Variants in PPP3CA observed in about 807,000 individuals in gnomAD.
PPP3CA encodes the protein CAM-PRP catalytic subunit.
PPP3CA carries 14 observed loss-of-function variants against 66.5 expected under a neutral mutation model. The observed-to-expected ratio is 0.21, with a 90% CI of 0.14 to 0.33. The LOEUF is 0.33. Ranked by LOEUF, PPP3CA falls within the 10% of genes least tolerant of loss-of-function variation. PPP3CA has a pLI of 1.00. For synonymous variants in PPP3CA, 232 were observed against 226.2 expected (o/e 1.03, Z -0.23); for missense variants, 317 against 639.5 (o/e 0.50, Z 5.44).
chr4:101,255,156 A>C (rs191599037), intron 1 of PPP3CA, among the ~76,000 whole-genome samples: 1 of 151,878 alleles, frequency 6.6e-6, no homozygotes, highest in Non-Finnish European at 1.5e-5. Context: ...ACAGATTTAA[A>C]AATCACTGAA....
intron 2 of PPP3CA, among the ~76,000 whole-genome samples, chr4:101,145,174 T>A (rs1722931001): frequency 6.6e-6 from 1 of 152,144 alleles, no homozygotes; most frequent in Non-Finnish European, 1.5e-5. Context: ...AAGGAAACTT[T>A]GTCTGCTGTT....
intron 1 of PPP3CA, among the ~76,000 whole-genome samples, chr4:101,228,469 T>A (rs1322924357): frequency 1.3e-5 from 2 of 151,716 alleles, no homozygotes; most frequent in African/African-American, 4.8e-5. Flanking sequence ...ACAAATGACA[T>A]TAGAGTCTTG....
chr4:101,213,532 G>A (rs1725369470), intron 1 of PPP3CA, among the ~76,000 whole-genome samples: 1 of 151,980 alleles, frequency 6.6e-6, no homozygotes, highest in Admixed American at 6.6e-5. Context: ...TTATCATTTG[G>A]AACAAAGAGC....
intron 1 of PPP3CA, among the ~76,000 whole-genome samples, chr4:101,314,366 C>T (rs528725575): frequency 6.6e-6 from 1 of 151,710 alleles, no homozygotes; most frequent in Admixed American, 6.6e-5. Context: ...AGATCAAGAC[C>T]ATCCTGGCTA....
At chr4:101,095,493 T>C (rs747204662) in intron 5 of PPP3CA, among the ~76,000 whole-genome samples, 4 of 152,140 alleles carry the variant, frequency 2.6e-5, no homozygotes, top group Non-Finnish European at 5.9e-5. Flanking sequence ...CTTAATGATA[T>C]GTATGAAAAT....
In PPP3CA at chr4:101,211,218, C is replaced by T. The variant is rs1006784719; in HGVS notation, c.59-15102G>A. On this transcript the variant is annotated intron_variant, in intron 1 of 13. Coordinates refer to ENST00000394854, the MANE Select transcript of PPP3CA (RefSeq NM_000944.5). ...TTTGGGGCTGTGCTTTTAACCCTTG[C>T]TATCCCCTCCCTGTAGATAAGTGAC... is the stretch of plus-strand genomic sequence containing the variant. Among the ~76,000 whole-genome samples, 4 of 152,268 alleles carry T rather than the reference C, an allele frequency of 2.6e-5. No individual in the cohort carries two copies. The South Asian group carries it at 8.3e-4, about 32-fold the overall frequency.
At chr4:101,160,113 G>C (rs1723454760) in intron 2 of PPP3CA, among the ~76,000 whole-genome samples, 1 of 151,466 alleles carries the variant, frequency 6.6e-6, no homozygotes, top group South Asian at 2.1e-4. Context: ...ATAAAAGTAT[G>C]GTTGGTGCAC....
At chr4:101,066,813 C>T (rs914081074) in intron 8 of PPP3CA, among the ~76,000 whole-genome samples, 1 of 152,128 alleles carries the variant, frequency 6.6e-6, no homozygotes, top group Non-Finnish European at 1.5e-5. Flanking sequence ...TTACAAAACC[C>T]AACTGGAGCC....
chr4:101,262,012 C>CA (rs939823773), intron 1 of PPP3CA, among the ~76,000 whole-genome samples: 24 of 151,458 alleles, frequency 1.6e-4, no homozygotes, highest in South Asian at 4.2e-4. Context: ...TATACAATAA[C>CA]AAAAAAAATA....
chr4:101,265,552 A>C (rs957331619), intron 1 of PPP3CA, among the ~76,000 whole-genome samples: 3 of 152,236 alleles, frequency 2.0e-5, no homozygotes, highest in Non-Finnish European at 4.4e-5. Flanking sequence ...GATTCAAGGA[A>C]AGGATAACTA....
chr4:101,346,219 A>G (rs1047573859), intron 1 of PPP3CA, among the ~76,000 whole-genome samples: 11 of 150,778 alleles, frequency 7.3e-5, no homozygotes, highest in Non-Finnish European at 1.2e-4. Context: ...CGCGGAGGGA[A>G]TTGCTGCAAT....
intron 2 of PPP3CA, among the ~76,000 whole-genome samples, chr4:101,122,626 C>T (rs1037539560): frequency 1.2e-4 from 18 of 151,998 alleles, no homozygotes; most frequent in Non-Finnish European, 2.5e-4. Context: ...AGCTGAAAGA[C>T]CTCTAGGCAG....
chr4:101,208,489 T>C (rs567062806), intron 1 of PPP3CA, among the ~76,000 whole-genome samples: 1 of 152,328 alleles, frequency 6.6e-6, no homozygotes, highest in South Asian at 2.1e-4. Context: ...GATGCTGGCA[T>C]GGCATATTTC....
At position 101,346,657 on chromosome 4, in the gene PPP3CA, G is replaced by C. The variant is rs1730009308; in HGVS notation, c.58+82C>G. 3 of 1,179,374 alleles carry C rather than the reference G, an allele frequency of 2.5e-6. No individual in the cohort carries two copies. In the South Asian group the frequency reaches 3.9e-5, roughly 15 times the overall value. The allele number at this position is 1,179,374 out of a possible 1,614,324, so 73.1% of individuals were successfully genotyped here. A position where few individuals can be genotyped will look rare whatever the true frequency, so the allele number is the denominator to read the frequency against. On this transcript the variant is annotated intron_variant, in intron 1 of 13. Coordinates refer to ENST00000394854, the MANE Select transcript of PPP3CA (RefSeq NM_000944.5). ...ACAGAGGAGAACCTGGGGCGGGGGA[G>C]GGGAGGAAAGGCGAGGCGAGGCAAG...
intron 1 of PPP3CA, among the ~76,000 whole-genome samples, chr4:101,218,622 T>C (rs1351058096): frequency 6.6e-6 from 1 of 152,000 alleles, no homozygotes; most frequent in African/African-American, 2.4e-5. Flanking sequence ...AAACAATTCA[T>C]TTAGAAAAAA....
At chr4:101,249,949 GTTTC>G (rs1319095270) in intron 1 of PPP3CA, among the ~76,000 whole-genome samples, 2 of 151,922 alleles carry the variant, frequency 1.3e-5, no homozygotes, top group African/African-American at 4.8e-5. Context: ...GCAAATTACT[GTTTC>G]TTTACTTTTC....
intron 8 of PPP3CA, among the ~76,000 whole-genome samples, chr4:101,070,661 G>A (rs1728877830): frequency 6.6e-6 from 1 of 152,226 alleles, no homozygotes; most frequent in South Asian, 2.1e-4. Flanking sequence ...ATAATCAGAT[G>A]AAATATTTTG....
intron 1 of PPP3CA, among the ~76,000 whole-genome samples, chr4:101,309,801 G>T (rs1728667045): frequency 6.6e-6 from 1 of 152,102 alleles, no homozygotes; most frequent in Admixed American, 6.6e-5. Flanking sequence ...GTGATACAAT[G>T]GAATGTTTCT....
chr4:101,211,317 A>G (rs1725291896), intron 1 of PPP3CA, among the ~76,000 whole-genome samples: 1 of 152,200 alleles, frequency 6.6e-6, no homozygotes, highest in Non-Finnish European at 1.5e-5. Context: ...TCCCTGAATC[A>G]TGCTCTTTAC....
Sources: gnomAD v4.1 joint callset for allele counts (sites outside exome capture counted in the v4.1 genomes callset) on GRCh38, gnomAD v4.1.1 for gene constraint, MANE v1.5 for transcripts, NCBI Gene and HGNC (gene_info 2026-07-23, HGNC 2026-07-21) for gene names.